SPAG16: variants seen among roughly 807,000 people sequenced by gnomAD.
SPAG16 encodes sperm associated antigen 16.
Under a neutral mutation model 80.4 loss-of-function variants are expected in SPAG16, and 86 were observed. The observed-to-expected ratio is 1.07, with a 90% CI of 0.90 to 1.28. The LOEUF is 1.28. Ranked by LOEUF, SPAG16 falls within the 50% of genes most tolerant of loss-of-function variation. The probability of loss-of-function intolerance (pLI) is 0.00; values close to 1 mark genes in which losing one functional copy is unlikely to be tolerated. For missense variants in SPAG16, 870 were observed against 765.3 expected (o/e 1.14, Z -1.61); for synonymous variants, 294 against 265.9 (o/e 1.11, Z -1.03).
chr2:214,339,346 G>A (rs983736055), intron 15 of SPAG16, among the ~76,000 whole-genome samples: 7 of 152,084 alleles, frequency 4.6e-5, no homozygotes, highest in African/African-American at 1.7e-4. Context: ...TAGATTAAAT[G>A]ATGACAGTAA....
intron 12 of SPAG16, among the ~76,000 whole-genome samples, chr2:214,008,820 A>G (rs907170552): frequency 1.3e-5 from 2 of 151,978 alleles, no homozygotes; most frequent in African/African-American, 2.4e-5. Flanking sequence ...TTTCTCCTGG[A>G]AAAGGTATTG....
intron 13 of SPAG16, among the ~76,000 whole-genome samples, chr2:214,037,169 A>G (rs2048740948): frequency 6.6e-6 from 1 of 151,778 alleles, no homozygotes; most frequent in Non-Finnish European, 1.5e-5. Context: ...TCACTATTTT[A>G]TGTGCCACAG....
At chr2:214,225,700 T>C (rs1262115129) in intron 15 of SPAG16, among the ~76,000 whole-genome samples, 1 of 152,158 alleles carries the variant, frequency 6.6e-6, no homozygotes, top group Non-Finnish European at 1.5e-5. Flanking sequence ...TTTGTGATTG[T>C]TGTGTGTCCA....
chr2:213,387,431 C>T (rs13024923), intron 9 of SPAG16, among the ~76,000 whole-genome samples: 18,674 of 48,312 alleles, frequency 0.39, 3,967 homozygotes, highest in Middle Eastern at 0.57. Flanking sequence ...AATGCATGCT[C>T]TTTTTTTTTT....
chr2:213,899,507 G>C (rs1299249444), intron 11 of SPAG16, among the ~76,000 whole-genome samples: 1 of 152,068 alleles, frequency 6.6e-6, no homozygotes, highest in Non-Finnish European at 1.5e-5. Context: ...TCCGTGATTA[G>C]ATTAAATGGA....
At chr2:213,513,472 G>A (rs2075308013) in intron 10 of SPAG16, among the ~76,000 whole-genome samples, 2 of 152,000 alleles carry the variant, frequency 1.3e-5, no homozygotes, top group South Asian at 4.2e-4. Context: ...TTCCTATTTC[G>A]ATAGCTTTTC....
intron 10 of SPAG16, among the ~76,000 whole-genome samples, chr2:213,856,718 G>T (rs1171410622): frequency 6.6e-6 from 1 of 152,200 alleles, no homozygotes; most frequent in Non-Finnish European, 1.5e-5. Context: ...GTTTGCCCCT[G>T]TTAGTCATTG....
At chr2:214,379,026 C>G (rs772069379) in intron 15 of SPAG16, among the ~76,000 whole-genome samples, 3 of 152,222 alleles carry the variant, frequency 2.0e-5, no homozygotes, top group Non-Finnish European at 4.4e-5. Context: ...ATACCACCGT[C>G]TGGCTTACCT....
chr2:213,680,634 T>G (rs1353047870), intron 10 of SPAG16, among the ~76,000 whole-genome samples: 1 of 152,138 alleles, frequency 6.6e-6, no homozygotes, highest in Non-Finnish European at 1.5e-5. Context: ...TACTTACACT[T>G]TCTCTTCCTA....
At chr2:213,284,743 G>A (rs1377766833) in intron 1 of SPAG16, 124 bp downstream of exon 1, 1 of 1,353,214 alleles carries the variant, frequency 7.4e-7, no homozygotes, top group African/African-American at 1.5e-5. Context: ...GCCTCTGTTG[G>A]ACTTCAAGGT....
intron 9 of SPAG16, among the ~76,000 whole-genome samples, chr2:213,411,702 C>T (rs1230713040): frequency 6.6e-6 from 1 of 152,084 alleles, no homozygotes; most frequent in African/African-American, 2.4e-5. Flanking sequence ...GGAATAATAG[C>T]CTCGATTCTT....
intron 15 of SPAG16, among the ~76,000 whole-genome samples, chr2:214,300,344 A>T (rs1694459331): frequency 6.6e-6 from 1 of 152,180 alleles, no homozygotes; most frequent in African/African-American, 2.4e-5. Flanking sequence ...AGTAAAATTT[A>T]AAAATTATTT....
At chr2:213,352,523 A>G (rs143649230) in intron 7 of SPAG16, among the ~76,000 whole-genome samples, 6 of 152,198 alleles carry the variant, frequency 3.9e-5, no homozygotes, top group South Asian at 2.1e-4. Flanking sequence ...CATGTACAAT[A>G]TTTGTGTTTC....
chr2:213,590,521 A>C (rs1209904777), intron 10 of SPAG16, among the ~76,000 whole-genome samples: 2 of 152,324 alleles, frequency 1.3e-5, no homozygotes. Context: ...AAGAAGATGT[A>C]TAACCAGCCA....
chr2:214,191,771 A>T (rs10490500), intron 15 of SPAG16, among the ~76,000 whole-genome samples: 44,557 of 149,926 alleles, frequency 0.3, 8,350 homozygotes, highest in Non-Finnish European at 0.41. Flanking sequence ...TGAACCAATC[A>T]TAAAAAAGAG....
At chr2:213,757,543 G>A (rs1271056753) in intron 10 of SPAG16, among the ~76,000 whole-genome samples, 2 of 152,114 alleles carry the variant, frequency 1.3e-5, no homozygotes, top group Non-Finnish European at 2.9e-5. Flanking sequence ...TTCCCACCTA[G>A]AGAACAATTG....
chr2:213,844,675 G>A (rs774824683), intron 10 of SPAG16, among the ~76,000 whole-genome samples: 2 of 152,166 alleles, frequency 1.3e-5, no homozygotes, highest in African/African-American at 4.8e-5. Flanking sequence ...TTAATAAGGT[G>A]TAGGGTCTAA....
intron 15 of SPAG16, among the ~76,000 whole-genome samples, chr2:214,176,772 C>T (rs1228445315): frequency 1.3e-5 from 2 of 150,912 alleles, no homozygotes; most frequent in African/African-American, 2.4e-5. Flanking sequence ...GCAAATTCCA[C>T]TAGTGCCCTT....
chr2:213,478,429 T>G (rs1415622871), intron 9 of SPAG16, among the ~76,000 whole-genome samples: 1 of 152,152 alleles, frequency 6.6e-6, no homozygotes, highest in Non-Finnish European at 1.5e-5. Context: ...GTGAAAGGGA[T>G]TTGTAAATTC....
Sources: allele counts gnomAD v4.1 joint callset (sites outside exome capture counted in the v4.1 genomes callset), GRCh38; gene constraint gnomAD v4.1.1; transcripts MANE v1.5; gene names NCBI Gene and HGNC (gene_info 2026-07-23, HGNC 2026-07-21).